Variants in GRM5 observed in about 807,000 individuals in gnomAD.
GRM5 encodes the protein glutamate metabotropic receptor 5, also known as metabotropic glutamate receptor 5.
A neutral mutation model predicts 83.1 loss-of-function variants in GRM5; 19 were observed. That is an observed-to-expected ratio of 0.23 (90% CI 0.16 to 0.34). GRM5 has a LOEUF of 0.34. Ranked by LOEUF, GRM5 falls within the 10% of genes least tolerant of loss-of-function variation. GRM5 has a pLI of 1.00. For synonymous variants in GRM5, 675 were observed against 633.6 expected (o/e 1.07, Z -0.98); for missense variants, 1,160 against 1,588.3 (o/e 0.73, Z 4.58).
chr11:88,870,067 G>A (rs1211802669), intron 2 of GRM5, among the ~76,000 whole-genome samples: 5 of 151,640 alleles, frequency 3.3e-5, no homozygotes, highest in East Asian at 3.9e-4. Flanking sequence ...CACAAAGAAC[G>A]GGTAGAAAAG....
chr11:89,010,251 TG>T (rs1940659063), intron 2 of GRM5, among the ~76,000 whole-genome samples: 1 of 152,120 alleles, frequency 6.6e-6, no homozygotes, highest in Admixed American at 6.5e-5. Context: ...TGTGAATATA[TG>T]ACGTAACCAT....
intron 3 of GRM5, among the ~76,000 whole-genome samples, chr11:88,692,689 T>C (rs1940809070): frequency 6.6e-6 from 1 of 152,218 alleles, no homozygotes; most frequent in African/African-American, 2.4e-5. Flanking sequence ...GACTCCATTT[T>C]CTGTTAAAAA....
At chr11:88,641,337 A>G (rs1939287756) in intron 4 of GRM5, among the ~76,000 whole-genome samples, 1 of 151,968 alleles carries the variant, frequency 6.6e-6, no homozygotes, top group Non-Finnish European at 1.5e-5. Flanking sequence ...CACCTCCAAC[A>G]CTGGGGATTA....
At chr11:88,700,746 A>G (rs1941013707) in intron 3 of GRM5, among the ~76,000 whole-genome samples, 1 of 152,108 alleles carries the variant, frequency 6.6e-6, no homozygotes, top group Non-Finnish European at 1.5e-5. Context: ...GGTGACATGT[A>G]GATGGGACCC....
At chr11:88,843,706 A>C (rs928401421) in intron 3 of GRM5, among the ~76,000 whole-genome samples, 7 of 152,242 alleles carry the variant, frequency 4.6e-5, no homozygotes, top group Non-Finnish European at 7.3e-5. Flanking sequence ...AAGCAAATAT[A>C]GGCCAAAAAT....
At chr11:88,807,056 G>A (rs1943511103) in intron 3 of GRM5, among the ~76,000 whole-genome samples, 1 of 152,072 alleles carries the variant, frequency 6.6e-6, no homozygotes, top group African/African-American at 2.4e-5. Flanking sequence ...TTTATTTTAT[G>A]TTGTACAAAT....
intron 2 of GRM5, among the ~76,000 whole-genome samples, chr11:88,944,513 C>A (rs1232828868): frequency 6.6e-6 from 1 of 151,760 alleles, no homozygotes; most frequent in African/African-American, 2.4e-5. Flanking sequence ...GTGTGTATGG[C>A]AAAATTACCT....
chr11:88,766,870 C>G (rs961873080), intron 3 of GRM5, among the ~76,000 whole-genome samples: 1 of 151,896 alleles, frequency 6.6e-6, no homozygotes, highest in Non-Finnish European at 1.5e-5. Flanking sequence ...AACCAAACAA[C>G]CCCATTAAAA....
At chr11:88,838,373 C>G (rs769081357) in intron 3 of GRM5, among the ~76,000 whole-genome samples, 14 of 152,000 alleles carry the variant, frequency 9.2e-5, no homozygotes, top group Non-Finnish European at 1.9e-4. Context: ...TAAGTGTGTA[C>G]GACTCCATCT....
chr11:88,778,619 T>TAAA (rs1942910422), intron 3 of GRM5, among the ~76,000 whole-genome samples: 2 of 152,196 alleles, frequency 1.3e-5, no homozygotes, highest in Non-Finnish European at 2.9e-5. Flanking sequence ...ATGTTGTTAT[T>TAAA]AAAATACTTA....
intron 7 of GRM5, among the ~76,000 whole-genome samples, chr11:88,580,230 T>C (rs1943192990): frequency 6.6e-6 from 1 of 152,166 alleles, no homozygotes; most frequent in Admixed American, 6.5e-5. Flanking sequence ...ATATGTCAAG[T>C]AGGCAATGGA....
chr11:88,923,562 A>T (rs1282038231), intron 2 of GRM5, among the ~76,000 whole-genome samples: 2 of 152,072 alleles, frequency 1.3e-5, no homozygotes, highest in Non-Finnish European at 2.9e-5. Flanking sequence ...TGTAGTGGGG[A>T]GTAGAGGAAA....
At chr11:88,885,911 T>C (rs1202284312) in intron 2 of GRM5, among the ~76,000 whole-genome samples, 1 of 152,188 alleles carries the variant, frequency 6.6e-6, no homozygotes, top group African/African-American at 2.4e-5. Flanking sequence ...GGCAGCTCCA[T>C]TCTTCCCTTC....
Position 88,810,438 on chromosome 11 carries a change from A to G in GRM5, c.911+39468T>C, listed in dbSNP as rs1050548351. Among the ~76,000 whole-genome samples, 10 of 152,234 alleles carry G rather than the reference A, an allele frequency of 6.6e-5. No homozygotes were observed. The East Asian group carries it at 1.7e-3, about 26-fold the overall frequency. ...ACATCTGTAGCTACACAAATATTACATGAAGAAACAGCTGAGAAAAAAGTA... is the reference window on the plus strand; with the variant it reads ...ACATCTGTAGCTACACAAATATTACGTGAAGAAACAGCTGAGAAAAAAGTA... On this transcript the variant is annotated intron_variant, in intron 3 of 9. Coordinates refer to ENST00000305447, the MANE Select transcript of GRM5 (RefSeq NM_001143831.3).
intron 4 of GRM5, among the ~76,000 whole-genome samples, chr11:88,611,720 A>G (rs1443380994): frequency 6.6e-6 from 1 of 151,962 alleles, no homozygotes; most frequent in Non-Finnish European, 1.5e-5. Context: ...CAATCATTTC[A>G]GTTCTGATTT....
intron 4 of GRM5, among the ~76,000 whole-genome samples, chr11:88,627,314 T>G (rs915482975): frequency 6.6e-6 from 1 of 152,170 alleles, no homozygotes; most frequent in Non-Finnish European, 1.5e-5. Flanking sequence ...ATCAATCAAT[T>G]TAATCACATT....
chr11:88,590,791 T>C (rs957619461), intron 6 of GRM5, 64 bp from the exon 7 acceptor site: 4 of 1,309,948 alleles, frequency 3.1e-6, no homozygotes, highest in Non-Finnish European at 4.4e-6. Flanking sequence ...AATTCTATAT[T>C]CCAATGTGCT....
chr11:89,022,008 T>TAACAA (rs1397316782), intron 2 of GRM5, among the ~76,000 whole-genome samples: 1 of 152,140 alleles, frequency 6.6e-6, no homozygotes, highest in East Asian at 1.9e-4. Flanking sequence ...CAAACGTTCT[T>TAACAA]AACAAAACAA....
intron 2 of GRM5, among the ~76,000 whole-genome samples, chr11:88,952,865 A>C (rs1162609934): frequency 6.6e-6 from 1 of 152,216 alleles, no homozygotes; most frequent in African/African-American, 2.4e-5. Context: ...ATTATCCCAT[A>C]ATTGTTTTTA....
Sources: gnomAD v4.1 joint callset for allele counts (sites outside exome capture counted in the v4.1 genomes callset) on GRCh38, gnomAD v4.1.1 for gene constraint, MANE v1.5 for transcripts, NCBI Gene and HGNC (gene_info 2026-07-23, HGNC 2026-07-21) for gene names.